ADD3: variants seen among roughly 807,000 people sequenced by gnomAD.
The protein encoded by ADD3 is gamma-adducin.
In ADD3, 25 loss-of-function variants were observed where a neutral mutation model predicts 80.2. The observed-to-expected ratio is 0.31, with a 90% confidence interval of 0.23 to 0.44. The LOEUF is 0.44. ADD3 is among the 20% of genes least tolerant of loss of function. The probability of loss-of-function intolerance (pLI) is 1.00; values close to 1 mark genes in which losing one functional copy is unlikely to be tolerated. For missense variants in ADD3, 829 were observed against 847.5 expected, an observed-to-expected ratio of 0.98 and a Z score of 0.27; for synonymous variants, 284 against 289.6, an observed-to-expected ratio of 0.98 and a Z score of 0.20.
chr10:110,018,585 A>G (rs1473217683), intron 1 of ADD3, among the ~76,000 whole-genome samples: 2 of 151,842 alleles, frequency 1.3e-5, no homozygotes, highest in South Asian at 2.1e-4. Flanking sequence ...CTCATGGGAA[A>G]GAAGAACAAG....
chr10:110,125,000 A>T (rs537687202), intron 10 of ADD3, among the ~76,000 whole-genome samples: 63 of 152,232 alleles, frequency 4.1e-4, no homozygotes, highest in Admixed American at 1.2e-3. Flanking sequence ...AGTTCTTCCA[A>T]TGTGGCCCAG....
At chr10:110,020,854 C>G (rs1358992852) in intron 1 of ADD3, among the ~76,000 whole-genome samples, 4 of 152,032 alleles carry the variant, frequency 2.6e-5, no homozygotes, top group Non-Finnish European at 5.9e-5. Context: ...AAACTTGACA[C>G]CAAGGTTTTG....
intron 1 of ADD3, among the ~76,000 whole-genome samples, chr10:110,013,790 A>T (rs530941649): frequency 6.6e-6 from 1 of 152,258 alleles, no homozygotes; most frequent in South Asian, 2.1e-4. Flanking sequence ...TGCTGATGTG[A>T]GTGACTCAGC....
intron 1 of ADD3, among the ~76,000 whole-genome samples, chr10:110,086,601 G>T (rs1041233172): frequency 2.0e-5 from 3 of 152,120 alleles, no homozygotes; most frequent in Non-Finnish European, 4.4e-5. Flanking sequence ...ACAAGATCTT[G>T]TTGGTTAAAA....
chr10:110,105,661 G>A (rs139537189), intron 2 of ADD3, among the ~76,000 whole-genome samples: 1 of 152,306 alleles, frequency 6.6e-6, no homozygotes, highest in Non-Finnish European at 1.5e-5. Flanking sequence ...CTGGGCACAT[G>A]ACATACTAAC....
intron 1 of ADD3, among the ~76,000 whole-genome samples, chr10:110,061,441 G>A (rs1163223307): frequency 6.6e-6 from 1 of 152,162 alleles, no homozygotes; most frequent in African/African-American, 2.4e-5. Flanking sequence ...ATTGACTGGA[G>A]TCAGCTTTCC....
chr10:110,040,793 A>T (rs913096785), intron 1 of ADD3, among the ~76,000 whole-genome samples: 9 of 152,204 alleles, frequency 5.9e-5, no homozygotes, highest in African/African-American at 2.2e-4. Flanking sequence ...AGAGGAAGAG[A>T]CTTTTCCTGA....
At chr10:110,083,521 A>G (rs966669663) in intron 1 of ADD3, among the ~76,000 whole-genome samples, 2 of 152,134 alleles carry the variant, frequency 1.3e-5, no homozygotes, top group Admixed American at 1.3e-4. Context: ...GTCTCAAAAA[A>G]AAAAAGAAAA....
At chr10:110,096,932 G>C (rs1279441114) in intron 1 of ADD3, among the ~76,000 whole-genome samples, 3 of 152,152 alleles carry the variant, frequency 2.0e-5, no homozygotes, top group Non-Finnish European at 4.4e-5. Flanking sequence ...GGCTCTACAA[G>C]TGGACCTGAA....
At chr10:110,077,705 C>T (rs992775849) in intron 1 of ADD3, among the ~76,000 whole-genome samples, 2 of 152,092 alleles carry the variant, frequency 1.3e-5, no homozygotes, top group South Asian at 2.1e-4. Context: ...GAGTTTGTGA[C>T]GTGAATGGTG....
At chr10:110,040,270 A>T (rs980335799) in intron 1 of ADD3, among the ~76,000 whole-genome samples, 1 of 152,138 alleles carries the variant, frequency 6.6e-6, no homozygotes, top group African/African-American at 2.4e-5. Context: ...GAATATACTT[A>T]GTGGAACATG....
At chr10:110,014,154 A>G (rs536922433) in intron 1 of ADD3, among the ~76,000 whole-genome samples, 10 of 152,216 alleles carry the variant, frequency 6.6e-5, no homozygotes, top group Non-Finnish European at 1.5e-4. Flanking sequence ...TTGGAAGTCA[A>G]GGCCTCCCCA....
intron 1 of ADD3, among the ~76,000 whole-genome samples, chr10:110,094,689 C>G (rs893090491): frequency 6.6e-6 from 1 of 152,240 alleles, no homozygotes; most frequent in Non-Finnish European, 1.5e-5. Flanking sequence ...TCTTTTAGAA[C>G]TTAAAATGAA....
At chr10:110,043,556 G>T (rs1053913720) in intron 1 of ADD3, among the ~76,000 whole-genome samples, 2 of 152,052 alleles carry the variant, frequency 1.3e-5, no homozygotes, top group African/African-American at 4.8e-5. Flanking sequence ...TTAGGGAGAG[G>T]GATCACTATT....
In ADD3 at chr10:110,134,221, A is replaced by G. The variant is rs1853422663; in HGVS notation, c.*603A>G. ...TTTGTTTGCCAAAAAAGTTGTTTTA[A>G]TAAACTATAATTTTTGAAAACTTCC... On this transcript the variant is annotated 3_prime_UTR_variant, in exon 15 of 15. Transcript: ENST00000356080. The G allele has an allele frequency of 6.6e-6, 1 of 152,586 alleles. No individual in the cohort carries two copies. Among genetic ancestry groups the G allele is most frequent in the Non-Finnish European group, 1.5e-5 (1 of 68,006 alleles). The allele number at this position is 152,586 out of a possible 1,614,324, so 9.5% of individuals were successfully genotyped here. A position where few individuals can be genotyped will look rare whatever the true frequency, so the allele number is the denominator to read the frequency against.
At chr10:110,130,058 GT>G (rs1348999034) in intron 12 of ADD3, among the ~76,000 whole-genome samples, 8 of 151,754 alleles carry the variant, frequency 5.3e-5, no homozygotes, top group Non-Finnish European at 8.8e-5. Context: ...TTTTTTTCAA[GT>G]TTTTTTTATG....
intron 1 of ADD3, among the ~76,000 whole-genome samples, chr10:110,015,250 A>G (rs1313538865): frequency 6.6e-6 from 1 of 151,988 alleles, no homozygotes; most frequent in Non-Finnish European, 1.5e-5. Flanking sequence ...ACCTTACTCA[A>G]CATTTAATAA....
At chr10:110,026,437 C>T (rs937625724) in intron 1 of ADD3, among the ~76,000 whole-genome samples, 10 of 151,980 alleles carry the variant, frequency 6.6e-5, no homozygotes, top group Non-Finnish European at 8.8e-5. Context: ...CGTGCCACCA[C>T]GCCTGGCTAA....
chr10:110,069,434 T>G (rs1844398132), intron 1 of ADD3, among the ~76,000 whole-genome samples: 1 of 152,230 alleles, frequency 6.6e-6, no homozygotes, highest in Admixed American at 6.5e-5. Flanking sequence ...TTTAATCACC[T>G]TAGCCCATTT....
Sources: gnomAD v4.1 joint callset for allele counts (sites outside exome capture counted in the v4.1 genomes callset) on GRCh38, gnomAD v4.1.1 for gene constraint, MANE v1.5 for transcripts, NCBI Gene and HGNC (gene_info 2026-07-23, HGNC 2026-07-21) for gene names.